Variants in B3GLCT observed in about 807,000 individuals in gnomAD.
The protein encoded by B3GLCT is beta-1,3-glucosyltransferase.
In B3GLCT, 65 loss-of-function variants were observed where a neutral mutation model predicts 63.4. That is an observed-to-expected ratio of 1.03 (90% CI 0.84 to 1.26). The LOEUF (loss-of-function observed/expected upper bound fraction) is 1.26. B3GLCT is among the 50% of genes most tolerant of loss of function. B3GLCT has a pLI of 0.00. For missense variants in B3GLCT, 577 were observed against 604.8 expected (o/e 0.95, Z 0.48); for synonymous variants, 233 against 219.2 (o/e 1.06, Z -0.55).
chr13:31,266,098 C>T (rs901546473), intron 7 of B3GLCT, among the ~76,000 whole-genome samples: 10 of 152,044 alleles, frequency 6.6e-5, no homozygotes, highest in East Asian at 1.9e-4. Flanking sequence ...CCCGGGTTCA[C>T]GCCATTCTCC....
intron 10 of B3GLCT, among the ~76,000 whole-genome samples, chr13:31,279,416 C>A (rs1034994028): frequency 6.6e-6 from 1 of 151,792 alleles, no homozygotes; most frequent in Admixed American, 6.6e-5. Flanking sequence ...GGAAGGAGTA[C>A]AAAAGAGAGA....
At chr13:31,247,813 A>G (rs2043094845) in intron 5 of B3GLCT, 42 bp from the exon 6 acceptor site, 1 of 1,029,172 alleles carries the variant, frequency 9.7e-7, no homozygotes. Flanking sequence ...TTATTAACTT[A>G]TTTTACAGAA....
chr13:31,323,768 A>G lies in B3GLCT; in HGVS notation c.1202A>G (p.Glu401Gly). The change falls in exon 14 of 15, where the codon GAA becomes GGA. Residue 401 changes from glutamate (E) to glycine (G), a missense_variant. By Grantham distance (98) the Glu-to-Gly change is moderately conservative. Transcript: ENST00000343307. ...TGGGGMVFSR[E>G]AVRRLLASKC... is the part of the protein sequence containing the mutation. ...CCCACTAGAATGGTCTTCAGCAGAGAAGCCGTCAGGAGACTTCTCGCCAGT... is the reference window on the plus strand; with the variant it reads ...CCCACTAGAATGGTCTTCAGCAGAGGAGCCGTCAGGAGACTTCTCGCCAGT... 1.2e-6 allele frequency: 2 copies of G among 1,614,146 alleles called. No homozygotes were observed. The highest frequency in any genetic ancestry group is 1.7e-6 in the Non-Finnish European group (2 of 1,180,026).
intron 2 of B3GLCT, among the ~76,000 whole-genome samples, chr13:31,216,897 T>C (rs2137749442): frequency 1.3e-5 from 2 of 152,346 alleles, no homozygotes; most frequent in Middle Eastern, 6.8e-3. Flanking sequence ...TTGTGAATAG[T>C]GCTGTGATGA....
chr13:31,317,529 CA>C, intron 12 of B3GLCT, 36 bp from the exon 13 acceptor site: 1 of 1,612,900 alleles, frequency 6.2e-7, no homozygotes, highest in African/African-American at 1.3e-5. Context: ...ACGTTTGAAT[CA>C]AATAATCATG....
chr13:31,265,421 T>C (rs1417159304), intron 7 of B3GLCT, among the ~76,000 whole-genome samples: 1 of 152,198 alleles, frequency 6.6e-6, no homozygotes, highest in Non-Finnish European at 1.5e-5. Flanking sequence ...TTGTGTCCTT[T>C]CCTTGACTTT....
At chr13:31,253,377 G>T (rs989381801) in intron 6 of B3GLCT, among the ~76,000 whole-genome samples, 1 of 151,940 alleles carries the variant, frequency 6.6e-6, no homozygotes, top group Non-Finnish European at 1.5e-5. Context: ...GGATCACGAG[G>T]TCGGGAGATT....
rs563246501 is a variant in B3GLCT, at chr13:31,312,629, T to C, written c.1065-4937T>C. The C allele has an allele frequency of 5.3e-5, 8 of 152,260 alleles. No homozygotes were observed. In the East Asian group the frequency reaches 1.5e-3, roughly 29 times the overall value. 9.4% of individuals were successfully genotyped at this position (152,260 alleles called of 1,614,324 possible). A position where few individuals can be genotyped will look rare whatever the true frequency, so the allele number is the denominator to read the frequency against. On this transcript the variant is annotated intron_variant, in intron 12 of 14. Coordinates refer to ENST00000343307, the MANE Select transcript of B3GLCT (RefSeq NM_194318.4). ...TATCTTTGCAGACACAAGCAGCATC[T>C]TGAGAGAACTTAGTTAAGAGAGAAT...
chr13:31,202,339 G>A (rs984871910), intron 1 of B3GLCT, among the ~76,000 whole-genome samples: 1 of 152,226 alleles, frequency 6.6e-6, no homozygotes, highest in Non-Finnish European at 1.5e-5. Flanking sequence ...AGAAGATTGA[G>A]TCAGGCCTCC....
At chr13:31,261,492 G>A (rs1872030353) in intron 7 of B3GLCT, among the ~76,000 whole-genome samples, 1 of 152,184 alleles carries the variant, frequency 6.6e-6, no homozygotes, top group African/African-American at 2.4e-5. Context: ...CTCATTAGGT[G>A]CATGGGTATG....
At chr13:31,311,968 G>A (rs571426750) in intron 12 of B3GLCT, among the ~76,000 whole-genome samples, 2 of 152,298 alleles carry the variant, frequency 1.3e-5, no homozygotes, top group South Asian at 4.1e-4. Context: ...TAGGAAAAAG[G>A]GTTAATGAAC....
rs1312715286 is a variant in B3GLCT, at chr13:31,317,669, A to G, written c.1168A>G (p.Ile390Val). 6 of 1,613,966 alleles carry G rather than the reference A, an allele frequency of 3.7e-6. No individual in the cohort carries two copies. The East Asian group carries it at 1.1e-4, about 30-fold the overall frequency. Residue 390 changes from isoleucine (I) to valine (V), a missense_variant, in exon 13 of 15, where the codon ATC becomes GTC. Coordinates refer to ENST00000343307, the MANE Select transcript of B3GLCT (RefSeq NM_194318.4). ...YGLGTGGYSYITGGGGMVFSR... is the reference protein window; with the variant it reads ...YGLGTGGYSYVTGGGGMVFSR... ...CCTGGGCACTGGTGGCTACAGCTACATCACGGGAGGAGGAGGGTAACTATG... is the reference window on the plus strand; with the variant it reads ...CCTGGGCACTGGTGGCTACAGCTACGTCACGGGAGGAGGAGGGTAACTATG...
intron 12 of B3GLCT, among the ~76,000 whole-genome samples, chr13:31,289,608 T>A (rs1873539104): frequency 1.6e-5 from 1 of 61,448 alleles, no homozygotes; most frequent in African/African-American, 4.4e-5. Context: ...ACTTTAGCCA[T>A]CGTGCTAAAA....
At chr13:31,269,392 C>T in intron 8 of B3GLCT, 115 bp downstream of exon 8, 1 of 711,162 alleles carries the variant, frequency 1.4e-6, no homozygotes, top group Admixed American at 2.3e-5. Flanking sequence ...ATCTACTCCC[C>T]ACAGAGATAA....
rs780661234 is a variant in B3GLCT, at chr13:31,286,759, T to C, written c.1004T>C (p.Leu335Pro). The change falls in exon 12 of 15, where the codon CTG becomes CCG. Residue 335 changes from leucine to proline, a missense_variant. By Grantham distance (98) the Leu-to-Pro change is moderately conservative. Coordinates refer to ENST00000343307, the MANE Select transcript of B3GLCT (RefSeq NM_194318.4). The stretch of plus-strand genomic sequence containing the variant: ...ACATTTGCCATTTTGGAAAGATTTC[T>C]GAATCGTAGCCAGGACAAAACAGCA... Reference protein sequence around the residue: ...GKTFAILERFLNRSQDKTAWL... With the variant: ...GKTFAILERFPNRSQDKTAWL... The C allele has an allele frequency of 1.9e-6, 3 of 1,613,708 alleles. No individual in the cohort carries two copies. The South Asian group carries it at 3.3e-5, about 18-fold the overall frequency.
chr13:31,315,632 G>A (rs1031538947), intron 12 of B3GLCT, among the ~76,000 whole-genome samples: 2 of 152,220 alleles, frequency 1.3e-5, no homozygotes, highest in Admixed American at 1.3e-4. Context: ...TGACTGTGAG[G>A]TGAAAAAGAA....
intron 1 of B3GLCT, among the ~76,000 whole-genome samples, chr13:31,206,409 C>A (rs1333941851): frequency 1.3e-5 from 2 of 152,076 alleles, no homozygotes; most frequent in Non-Finnish European, 2.9e-5. Context: ...TAAACTAGGA[C>A]TCTTACTGGG....
At chr13:31,220,505 C>G (rs1032383065) in intron 2 of B3GLCT, among the ~76,000 whole-genome samples, 3 of 152,178 alleles carry the variant, frequency 2.0e-5, no homozygotes, top group African/African-American at 7.2e-5. Context: ...AATAATAAAA[C>G]AAACCATGTG....
chr13:31,295,886 A>G (rs9573517), intron 12 of B3GLCT, among the ~76,000 whole-genome samples: 143,109 of 152,230 alleles, frequency 0.94, 67,724 homozygotes, highest in East Asian at 1. Context: ...CAGCTATCTC[A>G]ATGTCTGCCC....
Sources: gnomAD v4.1 joint callset for allele counts (sites outside exome capture counted in the v4.1 genomes callset) on GRCh38, gnomAD v4.1.1 for gene constraint, MANE v1.5 for transcripts, NCBI Gene and HGNC (gene_info 2026-07-23, HGNC 2026-07-21) for gene names.